Variants in JAKMIP1 observed in about 807,000 individuals in gnomAD.
JAKMIP1 encodes the protein janus kinase and microtubule interacting protein 1.
JAKMIP1 carries 33 observed loss-of-function variants against 113.0 expected under a neutral mutation model. The ratio of observed to expected loss-of-function variants is 0.29; its 90% CI spans 0.22 to 0.39. The LOEUF is 0.39. Among genes scored for constraint, JAKMIP1 ranks in the 10% least tolerant of loss-of-function variants. The pLI, the probability that JAKMIP1 is intolerant of heterozygous loss-of-function variation, is 1.00. For synonymous variants in JAKMIP1, 480 were observed against 459.9 expected (o/e 1.04, Z -0.56); for missense variants, 813 against 1,080.5 (o/e 0.75, Z 3.47).
In JAKMIP1 at chr4:6,112,895, G is replaced by A. The variant is rs758595133; in HGVS notation, c.-45C>T. The A allele has an allele frequency of 1.9e-6, 3 of 1,589,326 alleles. No homozygotes were observed. In the East Asian group the frequency reaches 6.8e-5, roughly 36 times the overall value. On this transcript the variant is annotated 5_prime_UTR_variant, in exon 2 of 21. Transcript: ENST00000409021. ...TGCTGAGATCCTGCGGTCCACACCT[G>A]TTCACGCACGCCAGCCAGCAGGCGT...
chr4:6,127,763 T>C (rs550779997), intron 1 of JAKMIP1, among the ~76,000 whole-genome samples: 1 of 152,214 alleles, frequency 6.6e-6, no homozygotes, highest in Non-Finnish European at 1.5e-5. Flanking sequence ...GTCCTTCCAG[T>C]GACAGGAGGC....
At chr4:6,152,907 G>T (rs13151895) in intron 1 of JAKMIP1, among the ~76,000 whole-genome samples, 12,951 of 151,238 alleles carry the variant, frequency 0.086, 649 homozygotes, top group South Asian at 0.13. Context: ...GGAGGCGGAG[G>T]TTGCAGTGAG....
rs557551278 is a variant in JAKMIP1, at chr4:6,151,414, C to A, written c.-147-38417G>T. Among the ~76,000 whole-genome samples, 35 of 152,270 alleles carry A rather than the reference C, an allele frequency of 2.3e-4. 1 individual carries two copies. The highest frequency in any genetic ancestry group is 7.9e-4 in the African/African-American group (33 of 41,564). On this transcript the variant is annotated intron_variant, in intron 1 of 20. Coordinates refer to ENST00000409021, the MANE Select transcript of JAKMIP1 (RefSeq NM_001099433.2). ...ACCACAAAATACTGCCTCCAAATCC[C>A]CAAATGCTCAGCGCCCTCTCTGAGG...
In JAKMIP1 at chr4:6,194,283, A is replaced by G. The variant is rs965395826; in HGVS notation, c.-148+5970T>C. On this transcript the variant is annotated intron_variant, in intron 1 of 20. Transcript: ENST00000409021. The surrounding 1 kb of genome is among the most constrained non-coding windows in gnomAD (Gnocchi z 7.4). ...AATTGTACCATTGAAAACGGTTTAC[A>G]GTAAATGAATTTCACCTCAATTTTT... 2.0e-5 allele frequency among the ~76,000 whole-genome samples: 3 copies of G among 152,162 alleles called. No homozygotes were observed. Among genetic ancestry groups the G allele is most frequent in the Non-Finnish European group, 2.9e-5 (2 of 68,036 alleles).
chr4:6,026,951 T>C (rs1711926839), intron 20 of JAKMIP1, among the ~76,000 whole-genome samples: 1 of 151,384 alleles, frequency 6.6e-6, no homozygotes, highest in Non-Finnish European at 1.5e-5. Flanking sequence ...TCTTCCAATG[T>C]GGCCCAGGGA....
intron 1 of JAKMIP1, among the ~76,000 whole-genome samples, chr4:6,134,314 T>C (rs1396604547): frequency 6.6e-6 from 1 of 152,232 alleles, no homozygotes; most frequent in Non-Finnish European, 1.5e-5. Flanking sequence ...TCTTTATAAA[T>C]GACCCAGTCT....
chr4:6,095,503 CAG>C, intron 3 of JAKMIP1, among the ~76,000 whole-genome samples: 1 of 152,334 alleles, frequency 6.6e-6, no homozygotes, highest in East Asian at 1.9e-4. Context: ...TTCTGCAAGA[CAG>C]AGTCCTGTTT....
In JAKMIP1 at chr4:6,137,454, A is replaced by G. The variant is rs1370988937; in HGVS notation, c.-147-24457T>C. On this transcript the variant is annotated intron_variant, in intron 1 of 20. Coordinates refer to ENST00000409021, the MANE Select transcript of JAKMIP1 (RefSeq NM_001099433.2). This position sits in a 1 kb window ranked among gnomAD's most constrained non-coding sequence, Gnocchi z 4.5. ...GTCACACCTGATACAGTTCCTGAAAAGTCGTCTCACACCCTGGGTGACAGC... is the reference window on the plus strand; with the variant it reads ...GTCACACCTGATACAGTTCCTGAAAGGTCGTCTCACACCCTGGGTGACAGC... Among the ~76,000 whole-genome samples, 1 of 152,196 alleles carries G rather than the reference A, an allele frequency of 6.6e-6. No homozygotes were observed. The highest frequency in any genetic ancestry group is 6.5e-5 in the Admixed American group (1 of 15,282).
rs544105917 is a variant in JAKMIP1 at position 6,120,704 on chromosome 4, T to C, written c.-147-7707A>G. 2.0e-5 allele frequency among the ~76,000 whole-genome samples: 3 copies of C among 152,312 alleles called. No homozygotes were observed. The South Asian group carries it at 6.2e-4, about 32-fold the overall frequency. ...ATCAACAAAATAATGAAAGAGATGA[T>C]ACTGGGTTCTCTTTTGAGCAGAACT... is the stretch of plus-strand genomic sequence containing the variant. On this transcript the variant is annotated intron_variant, in intron 1 of 20. Coordinates refer to ENST00000409021, the MANE Select transcript of JAKMIP1 (RefSeq NM_001099433.2).
rs760369809 is a variant in JAKMIP1 at position 6,140,430 on chromosome 4, C to G, written c.-147-27433G>C. ...CCAAAAGGCCCACCACAGACCCACC[C>G]CAGGAGTGTGTGCTCAGGTCCTGCT... is the stretch of plus-strand genomic sequence containing the variant. On this transcript the variant is annotated intron_variant, in intron 1 of 20. Transcript: ENST00000409021. This position sits in a 1 kb window ranked among gnomAD's most constrained non-coding sequence, Gnocchi z 9.4. Among the ~76,000 whole-genome samples the G allele has an allele frequency of 1.2e-3, 176 of 152,160 alleles. No individual in the cohort carries two copies. Among genetic ancestry groups the G allele is most frequent in the Non-Finnish European group, 1.1e-3 (74 of 68,000 alleles).
chr4:6,180,489 A>G lies in JAKMIP1; in HGVS notation c.-148+19764T>C, dbSNP rs1240852828. On this transcript the variant is annotated intron_variant, in intron 1 of 20. Coordinates refer to ENST00000409021, the MANE Select transcript of JAKMIP1 (RefSeq NM_001099433.2). The surrounding 1 kb of genome is among the most constrained non-coding windows in gnomAD (Gnocchi z 4.5). Reference sequence around the variant, plus strand: ...TGTGCTACAAGAAGAATTAAGCACCATAACAACACAGACACCCCTCTCCCA... The same window carrying G: ...TGTGCTACAAGAAGAATTAAGCACCGTAACAACACAGACACCCCTCTCCCA... Among the ~76,000 whole-genome samples the G allele has an allele frequency of 2.6e-5, 4 of 152,252 alleles. No homozygotes were observed. Among genetic ancestry groups the G allele is most frequent in the Non-Finnish European group, 4.4e-5 (3 of 68,046 alleles).
chr4:6,195,467 T>G (rs532617613), intron 1 of JAKMIP1, among the ~76,000 whole-genome samples: 24 of 152,334 alleles, frequency 1.6e-4, no homozygotes, highest in African/African-American at 5.8e-4. Flanking sequence ...TAAAAAATGA[T>G]CAGGTGCTAG....
At chr4:6,163,854 C>G (rs763927267) in intron 1 of JAKMIP1, among the ~76,000 whole-genome samples, 2 of 152,206 alleles carry the variant, frequency 1.3e-5, no homozygotes, top group East Asian at 1.9e-4. Context: ...CTCCCTTAAG[C>G]CAAAGCCTAA....
In JAKMIP1 at chr4:6,049,228, G is replaced by A; in HGVS notation, c.1963-306C>T. 6.6e-6 allele frequency among the ~76,000 whole-genome samples: 1 copy of A among 152,174 alleles called. No individual in the cohort carries two copies. The highest frequency in any genetic ancestry group is 1.5e-5 in the Non-Finnish European group (1 of 68,030). The stretch of plus-strand genomic sequence containing the variant: ...TTTTTGTATTTTTAGCAGAGACAGG[G>A]TTTCGCCATGTTGGCCAGGCTGGTC... On this transcript the variant is annotated intron_variant, in intron 15 of 20. Transcript: ENST00000409021. This position sits in a 1 kb window ranked among gnomAD's most constrained non-coding sequence, Gnocchi z 7.0.
At chr4:6,075,236 TC>T (rs1381429829) in intron 8 of JAKMIP1, among the ~76,000 whole-genome samples, 20 of 152,142 alleles carry the variant, frequency 1.3e-4, no homozygotes, top group Non-Finnish European at 1.0e-4. Flanking sequence ...ATTTTTTTTT[TC>T]CTGAAGGTTT....
Position 6,138,799 on chromosome 4 carries a change from C to T in JAKMIP1, c.-147-25802G>A, listed in dbSNP as rs1719640735. 6.6e-6 allele frequency among the ~76,000 whole-genome samples: 1 copy of T among 152,136 alleles called. No homozygotes were observed. Among genetic ancestry groups the T allele is most frequent in the Admixed American group, 6.5e-5 (1 of 15,286 alleles). ...GGGCAGGTGCCTTGTCCTCCCTGAG[C>T]TTCAGTTTCCCCTAACCTGGAAAAA... is the stretch of plus-strand genomic sequence containing the variant. On this transcript the variant is annotated intron_variant, in intron 1 of 20. Coordinates refer to ENST00000409021, the MANE Select transcript of JAKMIP1 (RefSeq NM_001099433.2). This position sits in a 1 kb window ranked among gnomAD's most constrained non-coding sequence, Gnocchi z 6.0.
chr4:6,032,168 A>G (rs752398148), intron 19 of JAKMIP1, among the ~76,000 whole-genome samples: 2 of 152,202 alleles, frequency 1.3e-5, no homozygotes, highest in Non-Finnish European at 2.9e-5. Context: ...GTGGGACCCC[A>G]TGACACCGAG....
At position 6,181,720 on chromosome 4, in the gene JAKMIP1, C is replaced by T. The variant is rs1726044744; in HGVS notation, c.-148+18533G>A. Among the ~76,000 whole-genome samples, 1 of 152,220 alleles carries T rather than the reference C, an allele frequency of 6.6e-6. No homozygotes were observed. The highest frequency in any genetic ancestry group is 1.5e-5 in the Non-Finnish European group (1 of 68,044). ...CGCAAGCTCCATTCATTCATTCATT[C>T]ATTCAACAGCATCCTAGTGCCTGTT... On this transcript the variant is annotated intron_variant, in intron 1 of 20. Transcript: ENST00000409021. The surrounding 1 kb of genome is among the most constrained non-coding windows in gnomAD (Gnocchi z 5.4).
intron 8 of JAKMIP1, chr4:6,070,197 G>A (rs940401326): frequency 5.0e-6 from 2 of 398,428 alleles, no homozygotes; most frequent in African/African-American, 4.1e-5. Flanking sequence ...CAGCCCCTGT[G>A]CGTGGGCTTA....
Sources: allele counts gnomAD v4.1 joint callset (sites outside exome capture counted in the v4.1 genomes callset), GRCh38; gene constraint gnomAD v4.1.1; non-coding constraint Gnocchi (gnomAD v3.1); transcripts MANE v1.5; gene names NCBI Gene and HGNC (gene_info 2026-07-23, HGNC 2026-07-21).